TMED10: variants seen among roughly 807,000 people sequenced by gnomAD.
TMED10 encodes the protein transmembrane p24 trafficking protein 10.
TMED10 carries 7 observed loss-of-function variants against 23.1 expected under a neutral mutation model. That is an observed-to-expected ratio of 0.30 (90% CI 0.17 to 0.57). The LOEUF is 0.57. Among genes scored for constraint, TMED10 ranks in the 20% least tolerant of loss-of-function variants. The pLI is 0.91. For synonymous variants in TMED10, 113 were observed against 106.9 expected (o/e 1.06, Z -0.35); for missense variants, 162 against 274.8 (o/e 0.59, Z 2.90).
intron 1 of TMED10, among the ~76,000 whole-genome samples, chr14:75,166,267 C>G (rs190193666): frequency 2.0e-5 from 3 of 152,168 alleles, no homozygotes; most frequent in African/African-American, 4.8e-5. Context: ...TGACATCAAC[C>G]TCCCTCAAGT....
intron 1 of TMED10, among the ~76,000 whole-genome samples, chr14:75,154,128 G>C (rs1337580930): frequency 5.4e-5 from 8 of 147,574 alleles, no homozygotes; most frequent in Non-Finnish European, 1.2e-4. Context: ...AGTGGCTCAC[G>C]CACCTGTAAT....
chr14:75,138,006 G>A (rs896434434), intron 3 of TMED10, among the ~76,000 whole-genome samples: 1 of 152,046 alleles, frequency 6.6e-6, no homozygotes, highest in African/African-American at 2.4e-5. Context: ...ACTGCACCTG[G>A]CCTTAATAAT....
intron 1 of TMED10, among the ~76,000 whole-genome samples, chr14:75,158,879 G>A (rs1379936942): frequency 1.3e-5 from 2 of 152,042 alleles, no homozygotes; most frequent in African/African-American, 4.8e-5. Flanking sequence ...AGTCGCGATC[G>A]CACCATTGCG....
intron 1 of TMED10, among the ~76,000 whole-genome samples, chr14:75,167,559 A>C (rs901503604): frequency 3.9e-5 from 6 of 152,042 alleles, no homozygotes; most frequent in African/African-American, 1.4e-4. Context: ...TAGTTTCCCA[A>C]CTGCCAAGTT....
Position 75,176,567 on chromosome 14 carries a change from A to T in TMED10, c.13T>A (p.Ser5Thr). The change falls in exon 1 of 5, where the codon TCT becomes ACT. Residue 5 changes from serine (S) to threonine (T), a missense_variant. This residue lies in a region of TMED10 where 36 missense variants were observed against 35.2 expected (regional missense o/e 1.02). Transcript: ENST00000303575. Reference protein sequence around the residue: MSGLSGPPARRGPFP... With the variant: MSGLTGPPARRGPFP... Reference sequence around the variant, plus strand: ...GGGCCGCGCCGGGCTGGTGGGCCAGACAAACCAGACATGGTGCTGGAGACT... The same window carrying T: ...GGGCCGCGCCGGGCTGGTGGGCCAGTCAAACCAGACATGGTGCTGGAGACT... 6.2e-7 allele frequency: 1 copy of T among 1,614,152 alleles called. No individual in the cohort carries two copies.
intron 1 of TMED10, among the ~76,000 whole-genome samples, chr14:75,152,514 A>C (rs1330221672): frequency 6.6e-6 from 1 of 152,266 alleles, no homozygotes; most frequent in African/African-American, 2.4e-5. Context: ...GACAATTATC[A>C]AAAGATTATA....
In TMED10 at chr14:75,176,605, A is replaced by C; in HGVS notation, c.-26T>G. 6.2e-7 allele frequency: 1 copy of C among 1,612,954 alleles called. No homozygotes were observed. The highest frequency in any genetic ancestry group is 8.5e-7 in the Non-Finnish European group (1 of 1,179,318). On this transcript the variant is annotated 5_prime_UTR_variant, in exon 1 of 5. Transcript: ENST00000303575. ...GGTGCTGGAGACTCGTTCACCACCGAAGGCCTCAACCGCGCCGGAACCGGG... is the reference window on the plus strand; with the variant it reads ...GGTGCTGGAGACTCGTTCACCACCGCAGGCCTCAACCGCGCCGGAACCGGG...
chr14:75,173,160 C>T (rs1212313814), intron 1 of TMED10, among the ~76,000 whole-genome samples: 1 of 152,148 alleles, frequency 6.6e-6, no homozygotes, highest in East Asian at 1.9e-4. Context: ...CCGAGATGGG[C>T]GGATCACTTG....
At chr14:75,176,074 C>T in intron 1 of TMED10, 2 of 501,044 alleles carry the variant, frequency 4.0e-6, no homozygotes, top group South Asian at 2.2e-5. Flanking sequence ...TATCTGAGAC[C>T]AAAACTGGTA....
intron 1 of TMED10, among the ~76,000 whole-genome samples, chr14:75,167,865 C>T (rs557947684): frequency 1.3e-5 from 2 of 152,200 alleles, no homozygotes; most frequent in African/African-American, 4.8e-5. Context: ...TGAGTCCCTA[C>T]AACAGGCTTT....
chr14:75,132,023 G>A lies in TMED10; in HGVS notation c.*2862C>T, dbSNP rs1051068033. 2 of 152,570 alleles carry A rather than the reference G, an allele frequency of 1.3e-5. No homozygotes were observed. 9.5% of individuals were successfully genotyped at this position (152,570 alleles called of 1,614,324 possible). ...TTCGTTGCTCCTAAAAAGGGGAAAG[G>A]CACCAGTCAGAAATAGGAAAGAAAA... On this transcript the variant is annotated 3_prime_UTR_variant, in exon 5 of 5. Coordinates refer to ENST00000303575, the MANE Select transcript of TMED10 (RefSeq NM_006827.6).
chr14:75,176,230 C>G (rs1896303749), intron 1 of TMED10, 125 bp downstream of exon 1: 1 of 1,245,710 alleles, frequency 8.0e-7, no homozygotes, highest in Non-Finnish European at 1.1e-6. Flanking sequence ...ACCGCACGTC[C>G]TTTGCGCTCC....
intron 3 of TMED10, among the ~76,000 whole-genome samples, chr14:75,143,549 G>A (rs1484545948): frequency 6.6e-6 from 1 of 152,184 alleles, no homozygotes; most frequent in Non-Finnish European, 1.5e-5. Flanking sequence ...AGTCAAAGTA[G>A]TTTGCTGCCT....
chr14:75,170,273 G>A (rs1896216547), intron 1 of TMED10, among the ~76,000 whole-genome samples: 1 of 151,994 alleles, frequency 6.6e-6, no homozygotes, highest in African/African-American at 2.4e-5. Context: ...CCATGAAAAA[G>A]ACTGAAAGCC....
At chr14:75,176,305 G>A (rs761051558) in intron 1 of TMED10, 50 bp downstream of exon 1, 3 of 1,606,022 alleles carry the variant, frequency 1.9e-6, no homozygotes, top group African/African-American at 2.7e-5. Context: ...GCCTCCCCTC[G>A]CCTAAGCCTG....
At chr14:75,176,083 T>C (rs1896301000) in intron 1 of TMED10, 8 of 526,944 alleles carry the variant, frequency 1.5e-5, no homozygotes, top group South Asian at 1.4e-4. Flanking sequence ...CCAAAACTGG[T>C]ATAGGACGTT....
At chr14:75,173,514 C>G (rs974778659) in intron 1 of TMED10, among the ~76,000 whole-genome samples, 1 of 152,130 alleles carries the variant, frequency 6.6e-6, no homozygotes, top group African/African-American at 2.4e-5. Context: ...GTTTCTACTA[C>G]GTCCAATTAT....
chr14:75,132,147 G>A lies in TMED10; in HGVS notation c.*2738C>T, dbSNP rs1186392951. Reference sequence around the variant, plus strand: ...TCACGCGTGTAATCCCAGCACTTTGGGAGGCTGAGGCAGGCAGATCACTTG... The same window carrying A: ...TCACGCGTGTAATCCCAGCACTTTGAGAGGCTGAGGCAGGCAGATCACTTG... On this transcript the variant is annotated 3_prime_UTR_variant, in exon 5 of 5. Coordinates refer to ENST00000303575, the MANE Select transcript of TMED10 (RefSeq NM_006827.6). The A allele has an allele frequency of 6.6e-6, 1 of 152,306 alleles. No individual in the cohort carries two copies. The highest frequency in any genetic ancestry group is 1.5e-5 in the Non-Finnish European group (1 of 68,100). 9.4% of individuals were successfully genotyped at this position (152,306 alleles called of 1,614,324 possible).
intron 3 of TMED10, among the ~76,000 whole-genome samples, chr14:75,144,046 C>A (rs1383674033): frequency 6.6e-6 from 1 of 151,934 alleles, no homozygotes; most frequent in African/African-American, 2.4e-5. Context: ...TTGCTCCAAC[C>A]AGGGCAGCTG....
Sources: gnomAD v4.1 joint callset for allele counts (sites outside exome capture counted in the v4.1 genomes callset) on GRCh38, gnomAD v4.1.1 for gene constraint, gnomAD v4.1.1 regional missense constraint, MANE v1.5 for transcripts, NCBI Gene and HGNC (gene_info 2026-07-23, HGNC 2026-07-21) for gene names.